Variants in NSL1 observed in about 807,000 individuals in gnomAD.
NSL1 encodes the protein NSL1 component of MIS12 kinetochore complex, also known as kinetochore-associated protein NSL1 homolog.
Under a neutral mutation model 25.4 loss-of-function variants are expected in NSL1, and 11 were observed. The ratio of observed to expected loss-of-function variants is 0.43; its 90% CI spans 0.27 to 0.72. NSL1 has a LOEUF of 0.72. NSL1 is among the 30% of genes least tolerant of loss of function. The pLI is 0.19. For missense variants in NSL1, 330 were observed against 342.7 expected, an observed-to-expected ratio of 0.96 and a Z score of 0.29; for synonymous variants, 118 against 120.6, an observed-to-expected ratio of 0.98 and a Z score of 0.14.
rs912556351 is a variant in NSL1 at position 212,729,697 on chromosome 1, G to T, written c.*8711C>A. 3.0e-6 allele frequency: 3 copies of T among 985,346 alleles called. No homozygotes were observed. The African/African-American group carries it at 5.2e-5, about 17-fold the overall frequency. The allele number at this position is 985,346 out of a possible 1,614,324, so 61.0% of individuals were successfully genotyped here. A position where few individuals can be genotyped will look rare whatever the true frequency, so the allele number is the denominator to read the frequency against. ...CCAAATTTTTGTCAGAGAAGGAAAT[G>T]AAGCAAGATACCAAGGTCAAATCCT... On this transcript the variant is annotated 3_prime_UTR_variant, in exon 6 of 6. Transcript: ENST00000366977.
chr1:212,748,055 T>C (rs771973053), intron 4 of NSL1, among the ~76,000 whole-genome samples: 2 of 152,188 alleles, frequency 1.3e-5, no homozygotes, highest in African/African-American at 2.4e-5. Flanking sequence ...TATGAGCCAC[T>C]GTGACCAGCC....
At position 212,737,565 on chromosome 1, in the gene NSL1, G is replaced by GAT; in HGVS notation, c.*841_*842dup. The GAT allele has an allele frequency of 2.1e-6, 2 of 974,774 alleles. No individual in the cohort carries two copies. The highest frequency in any genetic ancestry group is 2.4e-6 in the Non-Finnish European group (2 of 820,222). The allele number at this position is 974,774 out of a possible 1,614,324, so 60.4% of individuals were successfully genotyped here. A position where few individuals can be genotyped will look rare whatever the true frequency, so the allele number is the denominator to read the frequency against. ...GACTTCTCCCAGTGATTATATACCT[G>GAT]ATATATAAACATCTTCAAATGTGAA... is the stretch of plus-strand genomic sequence containing the variant. On this transcript the variant is annotated 3_prime_UTR_variant, in exon 6 of 6. Coordinates refer to ENST00000366977, the MANE Select transcript of NSL1 (RefSeq NM_015471.4).
rs1658232028 is a variant in NSL1 at position 212,736,353 on chromosome 1, C to A, written c.*2055G>T. The A allele has an allele frequency of 1.0e-6, 1 of 985,328 alleles. No homozygotes were observed. The highest frequency in any genetic ancestry group is 5.2e-4 in the Middle Eastern group (1 of 1,914). 61.0% of individuals were successfully genotyped at this position (985,328 alleles called of 1,614,324 possible). Reference sequence around the variant, plus strand: ...TCTTTTCTGAAAGATAATTTTAAGACCCTATTCAATCCAGACTCTTTTTAT... The same window carrying A: ...TCTTTTCTGAAAGATAATTTTAAGAACCTATTCAATCCAGACTCTTTTTAT... On this transcript the variant is annotated 3_prime_UTR_variant, in exon 6 of 6. Coordinates refer to ENST00000366977, the MANE Select transcript of NSL1 (RefSeq NM_015471.4).
chr1:212,750,025 G>C (rs556904545), intron 4 of NSL1, among the ~76,000 whole-genome samples: 31 of 151,012 alleles, frequency 2.1e-4, no homozygotes, highest in Non-Finnish European at 3.5e-4. Context: ...GTCCACTAGA[G>C]GGCAGTACTA....
At chr1:212,757,599 G>A (rs1659376842) in intron 4 of NSL1, among the ~76,000 whole-genome samples, 1 of 152,148 alleles carries the variant, frequency 6.6e-6, no homozygotes, top group African/African-American at 2.4e-5. Context: ...TCCATGGCAA[G>A]AGATGGAGCA....
chr1:212,785,561 A>G (rs558179129), intron 2 of NSL1, among the ~76,000 whole-genome samples: 27 of 152,126 alleles, frequency 1.8e-4, no homozygotes, highest in African/African-American at 5.1e-4. Context: ...CCATTGTTCA[A>G]TTCCCACCTA....
At position 212,729,044 on chromosome 1, in the gene NSL1, A is replaced by G; in HGVS notation, c.*9364T>C. The G allele has an allele frequency of 1.0e-6, 1 of 985,442 alleles. No individual in the cohort carries two copies. The highest frequency in any genetic ancestry group is 1.2e-6 in the Non-Finnish European group (1 of 829,906). The allele number at this position is 985,442 out of a possible 1,614,324, so 61.0% of individuals were successfully genotyped here. On this transcript the variant is annotated 3_prime_UTR_variant, in exon 6 of 6. Transcript: ENST00000366977. ...ATCTGAAATTTTTTTTAAAGGAAGA[A>G]TACTTGGGTTGGGCTTACAAGAAAA...
In NSL1 at chr1:212,736,318, C is replaced by CCTGG; in HGVS notation, c.*2086_*2089dup. On this transcript the variant is annotated 3_prime_UTR_variant, in exon 6 of 6. Coordinates refer to ENST00000366977, the MANE Select transcript of NSL1 (RefSeq NM_015471.4). ...GGATTACAGGCATGAGCCCACCGCG[C>CCTGG]CTGGCTATTTCTTTTCTGAAAGATA... is the stretch of plus-strand genomic sequence containing the variant. The CCTGG allele has an allele frequency of 1.0e-6, 1 of 983,690 alleles. No homozygotes were observed. Among genetic ancestry groups the CCTGG allele is most frequent in the Non-Finnish European group, 1.2e-6 (1 of 828,312 alleles). The allele number at this position is 983,690 out of a possible 1,614,324, so 60.9% of individuals were successfully genotyped here.
intron 4 of NSL1, among the ~76,000 whole-genome samples, chr1:212,756,791 G>C (rs1315709007): frequency 6.6e-6 from 1 of 152,140 alleles, no homozygotes; most frequent in Non-Finnish European, 1.5e-5. Context: ...CTGCATTCCA[G>C]CCTGGGCGAC....
At position 212,750,486 on chromosome 1, in the gene NSL1, C is replaced by G. The variant is rs746931831; in HGVS notation, c.500-10885G>C. Among the ~76,000 whole-genome samples the G allele has an allele frequency of 4.9e-4, 74 of 152,148 alleles. 1 individual carries two copies. Among genetic ancestry groups the G allele is most frequent in the Non-Finnish European group, 1.3e-4 (9 of 68,024 alleles). On this transcript the variant is annotated intron_variant, in intron 4 of 5. Transcript: ENST00000366977. ...ATGAAAATTTTGCACCAGGCCTAGA[C>G]AGCAGCCAGTCCAGACTGGAATAGG...
chr1:212,754,466 A>C (rs1659207182), intron 4 of NSL1, among the ~76,000 whole-genome samples: 1 of 151,996 alleles, frequency 6.6e-6, no homozygotes, highest in African/African-American at 2.4e-5. Context: ...CCACCCTGAA[A>C]AGGTGGCTGA....
At chr1:212,776,511 C>T (rs1416849738) in intron 4 of NSL1, among the ~76,000 whole-genome samples, 2 of 151,770 alleles carry the variant, frequency 1.3e-5, no homozygotes, top group Non-Finnish European at 2.9e-5. Flanking sequence ...GCTGTAATTG[C>T]ACCACTGTAC....
Position 212,782,359 on chromosome 1 carries a change from G to T in NSL1, c.499+13C>A, listed in dbSNP as rs768473062. 1.4e-5 allele frequency: 22 copies of T among 1,593,066 alleles called. No individual in the cohort carries two copies. Among genetic ancestry groups the T allele is most frequent in the Admixed American group, 3.3e-5 (2 of 59,942 alleles). On this transcript the variant is annotated intron_variant, in intron 4 of 5. Transcript: ENST00000366977. ...AGATGCTTCATTTTTACCACAAATG[G>T]ATACTGACTCACCTGGATCAGGGTC...
In NSL1 at chr1:212,735,431, A is replaced by T; in HGVS notation, c.*2977T>A. ...TTAGAAAAGAAAAAGTACATCTTACAAGATGAAATCATACTGTTTGAAGCA... is the reference window on the plus strand; with the variant it reads ...TTAGAAAAGAAAAAGTACATCTTACTAGATGAAATCATACTGTTTGAAGCA... On this transcript the variant is annotated 3_prime_UTR_variant, in exon 6 of 6. Transcript: ENST00000366977. 1.0e-6 allele frequency: 1 copy of T among 985,466 alleles called. No individual in the cohort carries two copies. Among genetic ancestry groups the T allele is most frequent in the Non-Finnish European group, 1.2e-6 (1 of 829,938 alleles). The allele number at this position is 985,466 out of a possible 1,614,324, so 61.0% of individuals were successfully genotyped here.
chr1:212,775,601 GA>G (rs202017196), intron 4 of NSL1, among the ~76,000 whole-genome samples: 21 of 117,986 alleles, frequency 1.8e-4, no homozygotes, highest in African/African-American at 4.0e-4. Context: ...ACCTCTACCA[GA>G]AAAAAAAAAC....
At chr1:212,771,609 A>G (rs1293785) in intron 4 of NSL1, among the ~76,000 whole-genome samples, 5 of 135,184 alleles carry the variant, frequency 3.7e-5, no homozygotes, top group African/African-American at 1.4e-4. Context: ...TAAAGACTCC[A>G]CCAAAAAAAA....
At chr1:212,791,415 AG>A in intron 1 of NSL1, 114 bp downstream of exon 1, 1 of 918,538 alleles carries the variant, frequency 1.1e-6, no homozygotes, top group Non-Finnish European at 1.7e-6. Flanking sequence ...GTTCTACAGT[AG>A]CCTGGGGCAC....
chr1:212,787,904 C>A (rs1193163782), intron 1 of NSL1, among the ~76,000 whole-genome samples: 1 of 151,826 alleles, frequency 6.6e-6, no homozygotes, highest in African/African-American at 2.4e-5. Context: ...AAAAAGTACT[C>A]CTAGAATGAA....
In NSL1 at chr1:212,781,144, C is replaced by T. The variant is rs529237031; in HGVS notation, c.499+1228G>A. ...TTTATCCAAAAGACAGATTCTAATTCTTTTGCTTACTTTTGAAGTCTGAAT... is the reference window on the plus strand; with the variant it reads ...TTTATCCAAAAGACAGATTCTAATTTTTTTGCTTACTTTTGAAGTCTGAAT... On this transcript the variant is annotated intron_variant, in intron 4 of 5. Transcript: ENST00000366977. Among the ~76,000 whole-genome samples the T allele has an allele frequency of 1.9e-4, 29 of 152,262 alleles. 1 individual carries two copies. In the South Asian group the frequency reaches 5.8e-3, roughly 30 times the overall value.
Sources: gnomAD v4.1 joint callset for allele counts (sites outside exome capture counted in the v4.1 genomes callset) on GRCh38, gnomAD v4.1.1 for gene constraint, MANE v1.5 for transcripts, NCBI Gene and HGNC (gene_info 2026-07-23, HGNC 2026-07-21) for gene names.